KCNIP1: variants seen among roughly 807,000 people sequenced by gnomAD.
KCNIP1 encodes potassium voltage-gated channel interacting protein 1, also known as A-type potassium channel modulatory protein KCNIP1.
Under a neutral mutation model 33.0 loss-of-function variants are expected in KCNIP1, and 18 were observed. The observed-to-expected ratio is 0.55, with a 90% CI of 0.38 to 0.81. The LOEUF (loss-of-function observed/expected upper bound fraction) is 0.81. KCNIP1 is among the 30% of genes least tolerant of loss of function. The pLI, the probability that KCNIP1 is intolerant of heterozygous loss-of-function variation, is 0.00. For missense variants in KCNIP1, 238 were observed against 271.6 expected, an observed-to-expected ratio of 0.88 and a Z score of 0.87; for synonymous variants, 93 against 98.3, an observed-to-expected ratio of 0.95 and a Z score of 0.32.
chr5:170,450,268 G>A (rs913249720), intron 1 of KCNIP1, among the ~76,000 whole-genome samples: 125 of 151,988 alleles, frequency 8.2e-4, no homozygotes, highest in Admixed American at 3.1e-3. Flanking sequence ...CACCCTCCTC[G>A]GTGCCTGTGA....
At chr5:170,493,351 ATAT>A (rs1757246165) in intron 1 of KCNIP1, among the ~76,000 whole-genome samples, 1 of 152,116 alleles carries the variant, frequency 6.6e-6, no homozygotes, top group Non-Finnish European at 1.5e-5. Context: ...AATTCATGAG[ATAT>A]TAGAAAGCAC....
rs1287679607 is a variant in KCNIP1, at chr5:170,720,370, C to T, written c.236C>T (p.Ala79Val). The T allele has an allele frequency of 6.2e-7, 1 of 1,613,852 alleles. No homozygotes were observed. The highest frequency in any genetic ancestry group is 8.5e-7 in the Non-Finnish European group (1 of 1,179,828). Residue 79 changes from alanine (A) to valine (V), a missense_variant, in exon 3 of 8, where the codon GCT (alanine) becomes GTT (valine). Physicochemically the swap from Ala to Val is moderately conservative, Grantham distance 64. Coordinates refer to ENST00000328939, the MANE Select transcript of KCNIP1 (RefSeq NM_014592.4). ...VNEDTFKQIY[A>V]QFFPHGDAST... The stretch of plus-strand genomic sequence containing the variant: ...GAAGACACATTCAAGCAGATCTATG[C>T]TCAGTTTTTCCCTCATGGAGGTGAG...
chr5:170,453,143 C>G (rs377509284), intron 1 of KCNIP1, among the ~76,000 whole-genome samples: 2 of 152,306 alleles, frequency 1.3e-5, no homozygotes, highest in Non-Finnish European at 2.9e-5. Flanking sequence ...TCTTCACCCT[C>G]CAAATTGACG....
At chr5:170,419,246 G>C (rs1038904850) in intron 1 of KCNIP1, among the ~76,000 whole-genome samples, 5 of 152,164 alleles carry the variant, frequency 3.3e-5, no homozygotes, top group Non-Finnish European at 7.4e-5. Context: ...GTGAGGTTTG[G>C]GGGTTCCACA....
chr5:170,501,083 A>AAACAG (rs1479951308), upstream of KCNIP1, among the ~76,000 whole-genome samples: 30 of 152,342 alleles, frequency 2.0e-4, 1 homozygote, highest in Admixed American at 1.8e-3. Context: ...AAAGCAGTTA[A>AAACAG]AACAGTCCAG....
chr5:170,589,803 C>T (rs796901417), intron 1 of KCNIP1, among the ~76,000 whole-genome samples: 26 of 128,132 alleles, frequency 2.0e-4, no homozygotes, highest in South Asian at 2.6e-4. Flanking sequence ...GTGTGCGGTG[C>T]GGTGCGGTGC....
At chr5:170,672,156 G>C (rs1761951403) in intron 1 of KCNIP1, among the ~76,000 whole-genome samples, 1 of 152,210 alleles carries the variant, frequency 6.6e-6, no homozygotes, top group Middle Eastern at 3.2e-3. Context: ...GGCAGAGCCT[G>C]GCACTGGAAA....
chr5:170,581,967 G>A (rs551017364), intron 1 of KCNIP1, among the ~76,000 whole-genome samples: 23 of 152,190 alleles, frequency 1.5e-4, no homozygotes, highest in Non-Finnish European at 3.2e-4. Flanking sequence ...GAGATGCCAG[G>A]CTCTTTTAAA....
rs975887712 is a variant in KCNIP1, at chr5:170,691,341, G to A, written c.62-27417G>A. Reference sequence around the variant, plus strand: ...TCACTGAGCCTCTGGTATCAAAAAGGTGTATTTCACAGAATGTTTAGTTGG... The same window carrying A: ...TCACTGAGCCTCTGGTATCAAAAAGATGTATTTCACAGAATGTTTAGTTGG... On this transcript the variant is annotated intron_variant, in intron 1 of 7. Transcript: ENST00000328939. 2.6e-5 allele frequency among the ~76,000 whole-genome samples: 4 copies of A among 152,182 alleles called. No homozygotes were observed. The East Asian group carries it at 5.8e-4, about 22-fold the overall frequency.
intron 1 of KCNIP1, among the ~76,000 whole-genome samples, chr5:170,537,044 C>T (rs559735361): frequency 3.9e-5 from 6 of 152,338 alleles, no homozygotes; most frequent in South Asian, 2.1e-4. Context: ...TCTGCCAGCA[C>T]GACCAACTCT....
intron 1 of KCNIP1, among the ~76,000 whole-genome samples, chr5:170,617,616 A>G (rs989828257): frequency 6.6e-6 from 1 of 152,184 alleles, no homozygotes; most frequent in East Asian, 1.9e-4. Context: ...ATCTCCTGCA[A>G]TGGGGCCTCC....
chr5:170,572,463 A>T (rs188363836), intron 1 of KCNIP1, among the ~76,000 whole-genome samples: 20 of 152,310 alleles, frequency 1.3e-4, no homozygotes, highest in Admixed American at 1.3e-3. Flanking sequence ...TGCTTTCTTG[A>T]AGCTTCAGCA....
chr5:170,517,657 G>T (rs987659428), intron 1 of KCNIP1, among the ~76,000 whole-genome samples: 7 of 126,360 alleles, frequency 5.5e-5, no homozygotes, highest in African/African-American at 1.7e-4. Flanking sequence ...AGCGATGGTG[G>T]TATGGTGGTG....
intron 1 of KCNIP1, among the ~76,000 whole-genome samples, chr5:170,416,668 T>G (rs990836371): frequency 6.6e-6 from 1 of 151,910 alleles, no homozygotes; most frequent in Non-Finnish European, 1.5e-5. Flanking sequence ...CTAATTTTTT[T>G]TAATACTTAC....
At chr5:170,674,584 T>C (rs1359139002) in intron 1 of KCNIP1, among the ~76,000 whole-genome samples, 2 of 152,128 alleles carry the variant, frequency 1.3e-5, no homozygotes, top group Admixed American at 1.3e-4. Flanking sequence ...GGGAGGGGGA[T>C]GCTGATGTGA....
At chr5:170,623,307 G>A (rs1759681904) in intron 1 of KCNIP1, among the ~76,000 whole-genome samples, 1 of 152,016 alleles carries the variant, frequency 6.6e-6, no homozygotes, top group African/African-American at 2.4e-5. Context: ...CGCCTCCTGG[G>A]TTCAAGCCAT....
At chr5:170,513,563 C>T (rs1755018747) in intron 1 of KCNIP1, among the ~76,000 whole-genome samples, 1 of 152,200 alleles carries the variant, frequency 6.6e-6, no homozygotes, top group South Asian at 2.1e-4. Flanking sequence ...TTAGCTGTAC[C>T]TCCAAGTTTT....
intron 1 of KCNIP1, among the ~76,000 whole-genome samples, chr5:170,528,076 C>T (rs1355148724): frequency 1.3e-5 from 2 of 152,148 alleles, no homozygotes; most frequent in Non-Finnish European, 2.9e-5. Flanking sequence ...TCCCAGGAGC[C>T]TCAAGGATTG....
At chr5:170,635,385 T>C (rs1581426540) in intron 1 of KCNIP1, among the ~76,000 whole-genome samples, 1 of 152,292 alleles carries the variant, frequency 6.6e-6, no homozygotes, top group African/African-American at 2.4e-5. Flanking sequence ...TGAATCTCTT[T>C]GTTATCTTAC....
Sources: gnomAD v4.1 joint callset for allele counts (sites outside exome capture counted in the v4.1 genomes callset) on GRCh38, gnomAD v4.1.1 for gene constraint, MANE v1.5 for transcripts, NCBI Gene and HGNC (gene_info 2026-07-23, HGNC 2026-07-21) for gene names.